The following ENOX2 variants were observed in gnomAD, a reference collection of about 807,000 sequenced individuals.
ENOX2 encodes the protein APK1 antigen.
In ENOX2, 36 loss-of-function variants were observed where a neutral mutation model predicts 45.0. The observed-to-expected ratio is 0.80, with a 90% CI of 0.61 to 1.06. The LOEUF (loss-of-function observed/expected upper bound fraction) is 1.06, where lower values mean the gene tolerates loss of function less well. Ranked by LOEUF, ENOX2 falls within the 50% of genes least tolerant of loss-of-function variation. The probability of loss-of-function intolerance (pLI) is 0.00; values close to 1 mark genes in which losing one functional copy is unlikely to be tolerated. For missense variants in ENOX2, 423 were observed against 462.5 expected, an observed-to-expected ratio of 0.91 and a Z score of 0.78; for synonymous variants, 174 against 152.3, an observed-to-expected ratio of 1.14 and a Z score of -1.05.
chrX:130,651,817 C>G (rs889727921), intron 10 of ENOX2, among the ~76,000 whole-genome samples: 4 of 112,083 alleles, frequency 3.6e-5, no homozygotes, highest in Non-Finnish European at 5.6e-5. Context: ...CTTCCCCTCT[C>G]TTGTCTCAGA....
At chrX:130,659,069 T>C (rs5977338) in intron 9 of ENOX2, among the ~76,000 whole-genome samples, 1,451 of 112,149 alleles carry the variant, frequency 0.013, 22 homozygotes, top group African/African-American at 0.045. Context: ...GTCAGAGGCT[T>C]GTCAGCACTG....
At chrX:130,677,716 C>T (rs2037190076) in intron 6 of ENOX2, among the ~76,000 whole-genome samples, 1 of 111,378 alleles carries the variant, frequency 9.0e-6, no homozygotes, top group East Asian at 2.8e-4. Context: ...AGCAAGAAGG[C>T]CCTTACCAGA....
intron 3 of ENOX2, among the ~76,000 whole-genome samples, chrX:130,768,695 G>A (rs1383803258): frequency 8.9e-6 from 1 of 111,857 alleles, no homozygotes; most frequent in Non-Finnish European, 1.9e-5. Context: ...CCACAGGCAG[G>A]GAAGGGGATA....
intron 5 of ENOX2, among the ~76,000 whole-genome samples, chrX:130,682,024 C>G (rs949401420): frequency 1.3e-4 from 14 of 107,714 alleles, no homozygotes; most frequent in East Asian, 2.9e-4. Context: ...AACCCCCCCC[C>G]CCACCGACTA....
chrX:130,689,073 T>C, intron 4 of ENOX2, 55 bp from the exon 5 acceptor site: 3 of 1,054,215 alleles, frequency 2.8e-6, no homozygotes, highest in South Asian at 2.2e-5. Flanking sequence ...TAAGTGGAGA[T>C]AGAATGTTAC....
At chrX:130,815,569 C>G (rs1256258949) in intron 2 of ENOX2, among the ~76,000 whole-genome samples, 3 of 112,119 alleles carry the variant, frequency 2.7e-5, no homozygotes, top group African/African-American at 9.7e-5. Flanking sequence ...CTCTATAAGC[C>G]AGAAGAGAGT....
intron 3 of ENOX2, among the ~76,000 whole-genome samples, chrX:130,780,634 G>C: frequency 8.9e-6 from 1 of 111,775 alleles, no homozygotes; most frequent in East Asian, 2.8e-4. Flanking sequence ...AAGAGTTCAA[G>C]GTGGTTGCGA....
chrX:130,627,177 C>T (rs778317737), intron 14 of ENOX2, among the ~76,000 whole-genome samples: 2 of 111,405 alleles, frequency 1.8e-5, no homozygotes, highest in Non-Finnish European at 3.8e-5. Context: ...TGGCACCTGC[C>T]TCCCTTGTTT....
chrX:130,794,487 G>A (rs910579000), intron 2 of ENOX2, among the ~76,000 whole-genome samples: 2 of 112,741 alleles, frequency 1.8e-5, no homozygotes, highest in Non-Finnish European at 3.7e-5. Flanking sequence ...CCTAGGCTGA[G>A]CCAGCTCTTT....
At chrX:130,832,326 T>C (rs2077847653) in intron 2 of ENOX2, among the ~76,000 whole-genome samples, 1 of 109,794 alleles carries the variant, frequency 9.1e-6, no homozygotes, top group East Asian at 2.8e-4. Context: ...TCAAAATAAA[T>C]GACTTGCCCA....
At chrX:130,761,293 C>T (rs1311205461) in intron 3 of ENOX2, among the ~76,000 whole-genome samples, 1 of 111,532 alleles carries the variant, frequency 9.0e-6, no homozygotes, top group Non-Finnish European at 1.9e-5. Flanking sequence ...GAAACCATCT[C>T]GCCCCAGAGA....
chrX:130,815,680 T>C (rs1026441138), intron 2 of ENOX2, among the ~76,000 whole-genome samples: 1 of 111,853 alleles, frequency 8.9e-6, no homozygotes, highest in South Asian at 3.7e-4. Context: ...TAAAATCCTT[T>C]AAAGACAAGC....
intron 2 of ENOX2, among the ~76,000 whole-genome samples, chrX:130,787,523 T>C (rs1569502201): frequency 2.7e-5 from 3 of 111,917 alleles, no homozygotes; most frequent in Admixed American, 1.9e-4. Flanking sequence ...GGATGTACCC[T>C]GCTTTCCTCA....
chrX:130,841,115 A>C (rs1473260582), intron 2 of ENOX2, among the ~76,000 whole-genome samples: 2 of 111,865 alleles, frequency 1.8e-5, no homozygotes. Context: ...TCCTCTATGA[A>C]TATGCTCTTG....
intron 3 of ENOX2, among the ~76,000 whole-genome samples, chrX:130,780,925 G>A (rs762189317): frequency 3.0e-4 from 33 of 111,223 alleles, no homozygotes; most frequent in Non-Finnish European, 4.7e-4. Context: ...TGAAATGGTC[G>A]GTAGCTCCTT....
At chrX:130,842,624 AC>A (rs1281934255) in intron 2 of ENOX2, among the ~76,000 whole-genome samples, 1 of 111,819 alleles carries the variant, frequency 8.9e-6, no homozygotes, top group Non-Finnish European at 1.9e-5. Context: ...GCCAATGATC[AC>A]TTTTCAGTCC....
chrX:130,670,017 T>TG lies in ENOX2; in HGVS notation c.641dup (p.Val215SerfsTer8). On this transcript the variant is annotated frameshift_variant, in exon 7 of 15. Transcript: ENST00000394363. LOFTEE classifies it high-confidence loss of function. ...ATTCATGATCTGAATAGTGGACCAC[T>TG]GGGGGTGGAGATGGTGGACGCAATC... The TG allele has an allele frequency of 1.7e-6, 2 of 1,211,298 alleles. No individual in the cohort carries two copies. Among genetic ancestry groups the TG allele is most frequent in the Non-Finnish European group, 2.2e-6 (2 of 894,845 alleles).
chrX:130,840,562 T>TAAAA (rs1176948896), intron 2 of ENOX2, among the ~76,000 whole-genome samples: 14 of 109,063 alleles, frequency 1.3e-4, no homozygotes, highest in African/African-American at 4.0e-4. Flanking sequence ...AATAAATAAA[T>TAAAA]AAAACAGTCT....
intron 9 of ENOX2, among the ~76,000 whole-genome samples, chrX:130,664,676 G>A (rs2036785599): frequency 8.9e-6 from 1 of 112,359 alleles, no homozygotes. Flanking sequence ...CAGTCACACA[G>A]CACTAACATG....
Sources: allele counts gnomAD v4.1 joint callset (sites outside exome capture counted in the v4.1 genomes callset), GRCh38; gene constraint gnomAD v4.1.1; transcripts MANE v1.5; gene names NCBI Gene and HGNC (gene_info 2026-07-23, HGNC 2026-07-21).